Variants in DPP6 observed in about 807,000 individuals in gnomAD.
DPP6 encodes A-type potassium channel modulatory protein DPP6.
In DPP6, 69 loss-of-function variants were observed where a neutral mutation model predicts 122.6. The observed-to-expected ratio is 0.56, with a 90% CI of 0.46 to 0.69. The LOEUF (loss-of-function observed/expected upper bound fraction) is 0.69, where lower values mean the gene tolerates loss of function less well. Ranked by LOEUF, DPP6 falls within the 30% of genes least tolerant of loss-of-function variation. DPP6 has a pLI of 0.00. For synonymous variants in DPP6, 418 were observed against 433.1 expected, an observed-to-expected ratio of 0.97 and a Z score of 0.43; for missense variants, 928 against 1,116.9, an observed-to-expected ratio of 0.83 and a Z score of 2.41.
chr7:154,796,126 G>A lies in DPP6; in HGVS notation c.1299+243G>A, dbSNP rs528571564. On this transcript the variant is annotated intron_variant, in intron 12 of 25. Coordinates refer to ENST00000377770, the MANE Select transcript of DPP6 (RefSeq NM_130797.4). The stretch of plus-strand genomic sequence containing the variant: ...TGTGAAAATCACGGCTCTTCAGAGC[G>A]TGGAATGTTTGGTGAGACCTCAGCT... The A allele has an allele frequency of 1.7e-4, 90 of 539,086 alleles. 1 individual carries two copies. In the South Asian group the frequency reaches 2.9e-3, roughly 18 times the overall value. The allele number at this position is 539,086 out of a possible 1,614,324, so 33.4% of individuals were successfully genotyped here. A position where few individuals can be genotyped will look rare whatever the true frequency, so the allele number is the denominator to read the frequency against.
At chr7:154,414,704 G>A (rs1382144389) in intron 1 of DPP6, among the ~76,000 whole-genome samples, 2 of 152,202 alleles carry the variant, frequency 1.3e-5, no homozygotes, top group African/African-American at 2.4e-5. Context: ...TGTCGGCTGG[G>A]GCTGTGTCTT....
chr7:154,567,809 G>A lies in DPP6; in HGVS notation c.627+893G>A, dbSNP rs1295389690. ...TTTGAGAGAATCTTTTCTGGCATGAGACAGTCAAGCTTTTTGGTTTATATC... is the reference window on the plus strand; with the variant it reads ...TTTGAGAGAATCTTTTCTGGCATGAAACAGTCAAGCTTTTTGGTTTATATC... On this transcript the variant is annotated intron_variant, in intron 5 of 25. Transcript: ENST00000377770. 2.0e-5 allele frequency among the ~76,000 whole-genome samples: 3 copies of A among 152,318 alleles called. 1 individual carries two copies. The highest frequency in any genetic ancestry group is 6.8e-3 in the Middle Eastern group (2 of 294).
At chr7:153,807,212 A>T in the DPP6 span, among the ~76,000 whole-genome samples, 1 of 152,008 alleles carries the variant, frequency 6.6e-6, no homozygotes, top group South Asian at 2.1e-4. Flanking sequence ...CAGGAGTTCA[A>T]GACCAGCCTG....
intron 1 of DPP6, among the ~76,000 whole-genome samples, chr7:154,262,058 C>T (rs1034341620): frequency 1.3e-5 from 2 of 151,720 alleles, no homozygotes; most frequent in African/African-American, 2.4e-5. Context: ...AAGAAGAGAG[C>T]TGGATTCAGT....
chr7:154,485,683 G>T (rs1453083553), intron 3 of DPP6, among the ~76,000 whole-genome samples: 4 of 152,200 alleles, frequency 2.6e-5, no homozygotes, highest in African/African-American at 7.2e-5. Context: ...ATCATTTAGC[G>T]CCAGCAGCAG....
intron 5 of DPP6, among the ~76,000 whole-genome samples, chr7:154,576,571 C>A (rs1420700973): frequency 1.3e-5 from 2 of 152,036 alleles, no homozygotes; most frequent in Non-Finnish European, 2.9e-5. Flanking sequence ...TTTTATTATT[C>A]CCCCCAAATT....
At chr7:154,595,640 A>G (rs1833048226) in intron 5 of DPP6, among the ~76,000 whole-genome samples, 1 of 152,362 alleles carries the variant, frequency 6.6e-6, no homozygotes, top group South Asian at 2.1e-4. Flanking sequence ...TGCCAAGTAG[A>G]AAAGCCCTTG....
At chr7:154,701,795 TCTC>T (rs1586917956) in intron 7 of DPP6, among the ~76,000 whole-genome samples, 2 of 152,290 alleles carry the variant, frequency 1.3e-5, no homozygotes, top group African/African-American at 4.8e-5. Flanking sequence ...AGAGGTGAGA[TCTC>T]CTCCAGAAAC....
chr7:154,857,526 C>G (rs1802943480), intron 17 of DPP6, among the ~76,000 whole-genome samples: 1 of 152,212 alleles, frequency 6.6e-6, no homozygotes, highest in Admixed American at 6.5e-5. Context: ...AGTGTGTTTA[C>G]CTTTTGATAT....
At chr7:154,362,110 C>T (rs1254076556) in intron 1 of DPP6, among the ~76,000 whole-genome samples, 3 of 152,218 alleles carry the variant, frequency 2.0e-5, no homozygotes, top group African/African-American at 7.2e-5. Flanking sequence ...GGTTGTGCTA[C>T]AGCCTTAAAA....
chr7:154,792,917 C>T (rs370649202), intron 10 of DPP6, among the ~76,000 whole-genome samples: 2 of 152,102 alleles, frequency 1.3e-5, no homozygotes, highest in Non-Finnish European at 2.9e-5. Flanking sequence ...ACCTGCTTGC[C>T]GCTGTTCCTT....
Position 154,824,382 on chromosome 7 carries a change from C to T in DPP6, c.1666+17270C>T, listed in dbSNP as rs183863652. ...GCAACCTCTGCCTCCCGGGTTCAAGCGATTCTCCTGCCTCAGCCTCCCAAG... is the reference window on the plus strand; with the variant it reads ...GCAACCTCTGCCTCCCGGGTTCAAGTGATTCTCCTGCCTCAGCCTCCCAAG... On this transcript the variant is annotated intron_variant, in intron 16 of 25. Coordinates refer to ENST00000377770, the MANE Select transcript of DPP6 (RefSeq NM_130797.4). 4.7e-3 allele frequency among the ~76,000 whole-genome samples: 721 copies of T among 152,298 alleles called. 1 individual carries two copies. Among genetic ancestry groups the T allele is most frequent in the Non-Finnish European group, 7.6e-3 (514 of 68,016 alleles).
At chr7:154,137,059 T>G (rs55746703) in intron 1 of DPP6, among the ~76,000 whole-genome samples, 6,134 of 152,258 alleles carry the variant, frequency 0.04, 152 homozygotes, top group Middle Eastern at 0.082. Context: ...AGGGGGACAT[T>G]CTTATGAAGC....
chr7:154,128,614 C>T (rs974796909), intron 1 of DPP6, among the ~76,000 whole-genome samples: 5 of 152,078 alleles, frequency 3.3e-5, no homozygotes, highest in African/African-American at 4.8e-5. Context: ...TGGTCTGGAT[C>T]TCCTGACCTC....
At chr7:153,865,693 G>A in the DPP6 span, among the ~76,000 whole-genome samples, 96 of 152,096 alleles carry the variant, frequency 6.3e-4, 1 homozygote, top group Middle Eastern at 3.4e-3. Context: ...GGGTACATGT[G>A]CACAACGTGC....
chr7:154,811,195 C>T (rs972555426), intron 16 of DPP6, among the ~76,000 whole-genome samples: 3 of 152,172 alleles, frequency 2.0e-5, no homozygotes, highest in African/African-American at 7.2e-5. Context: ...ACCAAAATCC[C>T]ACTTATAAAA....
At chr7:154,516,597 G>T (rs1469721728) in intron 3 of DPP6, among the ~76,000 whole-genome samples, 1 of 152,202 alleles carries the variant, frequency 6.6e-6, no homozygotes, top group African/African-American at 2.4e-5. Flanking sequence ...TTATTCACTT[G>T]AGTAGGACTC....
chr7:154,560,737 A>G (rs1830367304), intron 4 of DPP6, among the ~76,000 whole-genome samples: 1 of 151,942 alleles, frequency 6.6e-6, no homozygotes, highest in South Asian at 2.1e-4. Flanking sequence ...ATAAAAGTTA[A>G]CCAGGTATGA....
chr7:154,574,567 AGTGTGTGGTGTGTGT>A (rs1831367100), intron 5 of DPP6, among the ~76,000 whole-genome samples: 1 of 75,454 alleles, frequency 1.3e-5, no homozygotes, highest in African/African-American at 5.3e-5. Context: ...TATGTGTATA[AGTGTGTGGTGTGTGT>A]GTATGTGTGT....
Sources: allele counts gnomAD v4.1 joint callset (sites outside exome capture counted in the v4.1 genomes callset), GRCh38; gene constraint gnomAD v4.1.1; transcripts MANE v1.5; gene names NCBI Gene and HGNC (gene_info 2026-07-23, HGNC 2026-07-21).